The following CYB5A variants were observed in gnomAD, a reference collection of about 807,000 sequenced individuals.
The protein encoded by CYB5A is cytochrome b5 type A, also known as cytochrome b5.
CYB5A carries 10 observed loss-of-function variants against 16.2 expected under a neutral mutation model. That is an observed-to-expected ratio of 0.62 (90% CI 0.38 to 1.04). CYB5A has a LOEUF of 1.04. CYB5A is among the 50% of genes least tolerant of loss of function. CYB5A has a pLI of 0.01. For synonymous variants in CYB5A, 62 were observed against 57.0 expected (o/e 1.09, Z -0.40); for missense variants, 161 against 165.9 (o/e 0.97, Z 0.16).
intron 1 of CYB5A, among the ~76,000 whole-genome samples, chr18:74,265,151 T>G (rs979839279): frequency 6.6e-6 from 1 of 152,176 alleles, no homozygotes; most frequent in Non-Finnish European, 1.5e-5. Flanking sequence ...ATTATTCTGA[T>G]TTGAAACTGT....
chr18:74,265,773 G>T (rs565646607), intron 1 of CYB5A, among the ~76,000 whole-genome samples: 2 of 152,310 alleles, frequency 1.3e-5, no homozygotes, highest in South Asian at 4.1e-4. Context: ...GGCGAGAGAG[G>T]AGGTGGTCCC....
In CYB5A at chr18:74,253,324, A is replaced by T. The variant is rs1226148323; in HGVS notation, c.*260T>A. On this transcript the variant is annotated 3_prime_UTR_variant, in exon 5 of 5. Transcript: ENST00000340533. ...TTTAAAAGCCAAATATATTTTTAAA[A>T]GATCATGCTTATAATAAGTAAATTA... is the stretch of plus-strand genomic sequence containing the variant. The T allele has an allele frequency of 7.7e-6, 3 of 390,128 alleles. No individual in the cohort carries two copies. Among genetic ancestry groups the T allele is most frequent in the African/African-American group, 6.2e-5 (3 of 48,180 alleles). The allele number at this position is 390,128 out of a possible 1,614,324, so 24.2% of individuals were successfully genotyped here.
intron 1 of CYB5A, among the ~76,000 whole-genome samples, chr18:74,279,302 C>T (rs564556601): frequency 2.8e-4 from 43 of 152,286 alleles, no homozygotes; most frequent in Non-Finnish European, 4.7e-4. Flanking sequence ...CCAAGGCAGG[C>T]GGATCACCTG....
chr18:74,289,511 C>T (rs893827184), intron 1 of CYB5A, among the ~76,000 whole-genome samples: 78 of 152,154 alleles, frequency 5.1e-4, no homozygotes, highest in African/African-American at 1.7e-3. Context: ...AGCAGTGGCT[C>T]ACGCCTGTAA....
At position 74,253,167 on chromosome 18, in the gene CYB5A, C is replaced by A. The variant is rs1599241749; in HGVS notation, c.*417G>T. On this transcript the variant is annotated 3_prime_UTR_variant, in exon 5 of 5. Coordinates refer to ENST00000340533, the MANE Select transcript of CYB5A (RefSeq NM_148923.4). ...GACGATGTGAAAGGAGACACTCAAA[C>A]CTATTTCCCGCACCTCCAGTCATAT... 4.2e-6 allele frequency: 1 copy of A among 239,300 alleles called. No individual in the cohort carries two copies. The highest frequency in any genetic ancestry group is 5.1e-5 in the South Asian group (1 of 19,734). The allele number at this position is 239,300 out of a possible 1,614,324, so 14.8% of individuals were successfully genotyped here. A position where few individuals can be genotyped will look rare whatever the true frequency, so the allele number is the denominator to read the frequency against.
chr18:74,251,379 GC>G lies in CYB5A; in HGVS notation c.*2204del, dbSNP rs1314937499. 1 of 152,268 alleles carries G rather than the reference GC, an allele frequency of 6.6e-6. No homozygotes were observed. The highest frequency in any genetic ancestry group is 1.5e-5 in the Non-Finnish European group (1 of 68,134). The allele number at this position is 152,268 out of a possible 1,614,324, so 9.4% of individuals were successfully genotyped here. A position where few individuals can be genotyped will look rare whatever the true frequency, so the allele number is the denominator to read the frequency against. ...AAAGGCGGGACACCTTGAAGCAAAG[GC>G]AGGAAGACTCAAAGCAGGAGGGAGC... On this transcript the variant is annotated 3_prime_UTR_variant, in exon 5 of 5. Coordinates refer to ENST00000340533, the MANE Select transcript of CYB5A (RefSeq NM_148923.4).
chr18:74,289,663 C>T (rs1457332928), intron 1 of CYB5A, among the ~76,000 whole-genome samples: 1 of 151,716 alleles, frequency 6.6e-6, no homozygotes, highest in Non-Finnish European at 1.5e-5. Context: ...GTAATCCCAG[C>T]TACTTGGGAG....
rs1335962837 is a variant in CYB5A, at chr18:74,268,297, T to C, written c.130-4820A>G. ...GGTCAGGACGGGCCCTGCTGAGCTG[T>C]ACCACAAGGTGGGAGCTGCAGTCAA... On this transcript the variant is annotated intron_variant, in intron 1 of 4. Coordinates refer to ENST00000340533, the MANE Select transcript of CYB5A (RefSeq NM_148923.4). Among the ~76,000 whole-genome samples, 4 of 152,140 alleles carry C rather than the reference T, an allele frequency of 2.6e-5. No individual in the cohort carries two copies. In the East Asian group the frequency reaches 7.7e-4, roughly 29 times the overall value.
At chr18:74,266,029 A>G (rs913343887) in intron 1 of CYB5A, among the ~76,000 whole-genome samples, 32 of 152,200 alleles carry the variant, frequency 2.1e-4, no homozygotes, top group Admixed American at 2.1e-3. Context: ...GTTACATTGT[A>G]TAGGCATTCC....
Position 74,260,912 on chromosome 18 carries a change from T to C in CYB5A, c.288+3A>G. ...CAGAGATACTTGAGATGGTCACACT[T>C]ACCGGAGGCTTGTTTAACTTTGGTC... On this transcript the variant is annotated splice_donor_region_variant and intron_variant, in intron 3 of 4. Transcript: ENST00000340533. 2 of 1,611,624 alleles carry C rather than the reference T, an allele frequency of 1.2e-6. No homozygotes were observed. Among genetic ancestry groups the C allele is most frequent in the Non-Finnish European group, 8.5e-7 (1 of 1,177,762 alleles).
chr18:74,264,261 A>AT (rs1440072506), intron 1 of CYB5A, among the ~76,000 whole-genome samples: 1 of 151,586 alleles, frequency 6.6e-6, no homozygotes, highest in African/African-American at 2.4e-5. Context: ...CACTAACAAC[A>AT]TAAGTTGCTT....
chr18:74,282,247 G>C (rs140454989), intron 1 of CYB5A, among the ~76,000 whole-genome samples: 2 of 152,200 alleles, frequency 1.3e-5, no homozygotes, highest in African/African-American at 4.8e-5. Context: ...AGCATGTGCC[G>C]TGTGTGGAAA....
intron 1 of CYB5A, among the ~76,000 whole-genome samples, chr18:74,277,775 G>A (rs754466846): frequency 5.9e-5 from 9 of 152,206 alleles, no homozygotes; most frequent in East Asian, 1.9e-4. Context: ...TCCCAAGCCC[G>A]GGACACAGAC....
At chr18:74,263,531 A>T in intron 1 of CYB5A, 54 bp from the exon 2 acceptor site, 2 of 1,514,566 alleles carry the variant, frequency 1.3e-6, no homozygotes, top group East Asian at 4.5e-5. Flanking sequence ...ATGAATTAAG[A>T]GAAAACGGCC....
chr18:74,274,348 A>G (rs1982785462), intron 1 of CYB5A, among the ~76,000 whole-genome samples: 1 of 152,242 alleles, frequency 6.6e-6, no homozygotes, highest in Non-Finnish European at 1.5e-5. Context: ...AGTATAAAGG[A>G]TTTTTAAAAC....
chr18:74,263,811 C>T (rs180887096), intron 1 of CYB5A, among the ~76,000 whole-genome samples: 3 of 152,186 alleles, frequency 2.0e-5, no homozygotes, highest in Non-Finnish European at 4.4e-5. Context: ...ACATGAGAGG[C>T]TGAGGTGGGA....
chr18:74,261,027 T>A (rs1309697457), intron 2 of CYB5A, 83 bp from the exon 3 acceptor site: 2 of 1,039,680 alleles, frequency 1.9e-6, no homozygotes, highest in East Asian at 4.8e-5. Context: ...TGAGACTTTT[T>A]AAAATTATAA....
chr18:74,286,102 C>T (rs1305719043), intron 1 of CYB5A, among the ~76,000 whole-genome samples: 1 of 152,202 alleles, frequency 6.6e-6, no homozygotes, highest in Admixed American at 6.5e-5. Context: ...GAGCACATTT[C>T]CATGGATGTA....
At chr18:74,288,493 C>T (rs536005960) in intron 1 of CYB5A, among the ~76,000 whole-genome samples, 2 of 152,196 alleles carry the variant, frequency 1.3e-5, no homozygotes, top group African/African-American at 2.4e-5. Context: ...TGTTAGTTAA[C>T]ACACAAAGGC....
Sources: allele counts gnomAD v4.1 joint callset (sites outside exome capture counted in the v4.1 genomes callset), GRCh38; gene constraint gnomAD v4.1.1; transcripts MANE v1.5; gene names NCBI Gene and HGNC (gene_info 2026-07-23, HGNC 2026-07-21).